The following SLC14A2 variants were observed in gnomAD, a reference collection of about 807,000 sequenced individuals.
The protein encoded by SLC14A2 is solute carrier family 14 member 2.
A neutral mutation model predicts 104.6 loss-of-function variants in SLC14A2; 91 were observed. The ratio of observed to expected loss-of-function variants is 0.87; its 90% CI spans 0.73 to 1.04. The LOEUF (loss-of-function observed/expected upper bound fraction) is 1.04, where lower values mean the gene tolerates loss of function less well. SLC14A2 is among the 50% of genes least tolerant of loss of function. The pLI, the probability that SLC14A2 is intolerant of heterozygous loss-of-function variation, is 0.00. For missense variants in SLC14A2, 1,189 were observed against 1,156.0 expected, an observed-to-expected ratio of 1.03 and a Z score of -0.41; for synonymous variants, 476 against 466.4, an observed-to-expected ratio of 1.02 and a Z score of -0.27.
chr18:45,591,071 A>G (rs1031509218), intron 2 of SLC14A2, among the ~76,000 whole-genome samples: 1 of 151,988 alleles, frequency 6.6e-6, no homozygotes, highest in Non-Finnish European at 1.5e-5. Flanking sequence ...ACACAGACCT[A>G]AATACCACAT....
chr18:45,212,551 A>G (rs1439064869), upstream of SLC14A2, among the ~76,000 whole-genome samples: 1 of 152,128 alleles, frequency 6.6e-6, no homozygotes, highest in Non-Finnish European at 1.5e-5. Context: ...CCCTCCTCCA[A>G]CGTGATCCTT....
chr18:45,515,916 G>C (rs1482593213), intron 2 of SLC14A2, among the ~76,000 whole-genome samples: 1 of 152,226 alleles, frequency 6.6e-6, no homozygotes, highest in Non-Finnish European at 1.5e-5. Context: ...ATGGAACATA[G>C]CTTCAAATAC....
intron 1 of SLC14A2, among the ~76,000 whole-genome samples, chr18:45,413,803 A>T (rs1299423003): frequency 6.6e-6 from 1 of 152,226 alleles, no homozygotes; most frequent in African/African-American, 2.4e-5. Flanking sequence ...TAGGAAAAGT[A>T]CTTAACTTGG....
At chr18:45,510,185 G>A (rs897060740) in intron 2 of SLC14A2, among the ~76,000 whole-genome samples, 4 of 152,166 alleles carry the variant, frequency 2.6e-5, no homozygotes, top group Non-Finnish European at 5.9e-5. Flanking sequence ...GCTTCTTACA[G>A]GTGCTAAATG....
At chr18:45,475,660 T>TATTTAGG (rs1555693792) in intron 1 of SLC14A2, among the ~76,000 whole-genome samples, 8 of 111,386 alleles carry the variant, frequency 7.2e-5, no homozygotes, top group South Asian at 3.2e-4. Flanking sequence ...TATATATATA[T>TATTTAGG]ATATATATAT....
At chr18:45,538,861 T>TC (rs1378394968) in intron 2 of SLC14A2, among the ~76,000 whole-genome samples, 3 of 150,932 alleles carry the variant, frequency 2.0e-5, no homozygotes, top group Non-Finnish European at 1.5e-5. Context: ...TTTTTTTTTT[T>TC]TTTTTTTTTT....
chr18:45,642,141 C>T (rs191917969), intron 8 of SLC14A2, among the ~76,000 whole-genome samples: 3 of 152,338 alleles, frequency 2.0e-5, no homozygotes, highest in Admixed American at 6.5e-5. Flanking sequence ...GTATTGTTCT[C>T]TGGAAGCAGG....
intron 2 of SLC14A2, among the ~76,000 whole-genome samples, chr18:45,534,862 C>A (rs969264722): frequency 6.6e-6 from 1 of 152,156 alleles, no homozygotes; most frequent in South Asian, 2.1e-4. Flanking sequence ...GCCCTATGTG[C>A]CATTGACTGC....
intron 2 of SLC14A2, among the ~76,000 whole-genome samples, chr18:45,484,973 G>A (rs1466419375): frequency 6.6e-6 from 1 of 152,128 alleles, no homozygotes; most frequent in Admixed American, 6.5e-5. Context: ...CACAATTGCT[G>A]TTTCTTGTAA....
chr18:45,351,038 C>G (rs935267830), intron 1 of SLC14A2, among the ~76,000 whole-genome samples: 2 of 152,158 alleles, frequency 1.3e-5, no homozygotes, highest in African/African-American at 4.8e-5. Context: ...CACACCGTCT[C>G]TCCCTTTCTT....
chr18:45,190,222 A>G, the SLC14A2 span, among the ~76,000 whole-genome samples: 2 of 152,202 alleles, frequency 1.3e-5, no homozygotes, highest in African/African-American at 4.8e-5. Context: ...TCCTGTTGAT[A>G]TAATAATTAT....
intron 1 of SLC14A2, among the ~76,000 whole-genome samples, chr18:45,408,504 A>G (rs2144483482): frequency 6.6e-6 from 1 of 152,308 alleles, no homozygotes; most frequent in African/African-American, 2.4e-5. Flanking sequence ...GAATGACAGC[A>G]ATTTTGCACA....
intron 2 of SLC14A2, among the ~76,000 whole-genome samples, chr18:45,553,008 C>A (rs1298019644): frequency 6.6e-6 from 1 of 152,146 alleles, no homozygotes; most frequent in Non-Finnish European, 1.5e-5. Flanking sequence ...AGAATGTGCT[C>A]AGGCTAAGGT....
At chr18:45,477,601 G>A (rs1396160661) in intron 1 of SLC14A2, among the ~76,000 whole-genome samples, 1 of 152,192 alleles carries the variant, frequency 6.6e-6, no homozygotes, top group Non-Finnish European at 1.5e-5. Flanking sequence ...CTTCCCCCAG[G>A]TGCTTTGTCC....
intron 1 of SLC14A2, among the ~76,000 whole-genome samples, chr18:45,618,669 C>CA (rs60728655): frequency 0.047 from 2,378 of 50,622 alleles, 222 homozygotes; most frequent in Non-Finnish European, 0.06. Context: ...AACTCTGTCT[C>CA]AAAAAAAAAA....
At position 45,217,198 on chromosome 18, in the gene SLC14A2, A is replaced by G. The variant is rs530275348; in HGVS notation, c.-125+4007A>G. Among the ~76,000 whole-genome samples, 25 of 149,340 alleles carry G rather than the reference A, an allele frequency of 1.7e-4. No individual in the cohort carries two copies. The South Asian group carries it at 4.6e-3, about 27-fold the overall frequency. On this transcript the variant is annotated intron_variant, in intron 1 of 20. Transcript: ENST00000586448. ...AAATATGGAGAACACATTAAACTAT[A>G]TAAATATAAATATTTATATATGTTT...
intron 6 of SLC14A2, among the ~76,000 whole-genome samples, chr18:45,637,934 G>T (rs1182025757): frequency 6.6e-6 from 1 of 152,214 alleles, no homozygotes; most frequent in Non-Finnish European, 1.5e-5. Context: ...GGAGCAGCGT[G>T]CTGGGAGGGA....
intron 1 of SLC14A2, among the ~76,000 whole-genome samples, chr18:45,459,156 A>G (rs1568217003): frequency 6.6e-6 from 1 of 152,190 alleles, no homozygotes. Context: ...GCACCAGCCA[A>G]GCTTGGAGAT....
chr18:45,613,785 C>T (rs1429295511), upstream of SLC14A2, among the ~76,000 whole-genome samples: 1 of 152,154 alleles, frequency 6.6e-6, no homozygotes, highest in Non-Finnish European at 1.5e-5. Context: ...TAAAAGGATT[C>T]AATTTTATGC....
Sources: gnomAD v4.1 joint callset for allele counts (sites outside exome capture counted in the v4.1 genomes callset) on GRCh38, gnomAD v4.1.1 for gene constraint, MANE v1.5 for transcripts, NCBI Gene and HGNC (gene_info 2026-07-23, HGNC 2026-07-21) for gene names.